ZNF385D: variants seen among roughly 807,000 people sequenced by gnomAD.
ZNF385D encodes zinc finger protein 659.
A neutral mutation model predicts 35.8 loss-of-function variants in ZNF385D; 15 were observed. The observed-to-expected ratio is 0.42, with a 90% confidence interval of 0.28 to 0.64. The LOEUF (loss-of-function observed/expected upper bound fraction) is 0.64. Among genes scored for constraint, ZNF385D ranks in the 30% least tolerant of loss-of-function variants. The pLI, the probability that ZNF385D is intolerant of heterozygous loss-of-function variation, is 0.23. For synonymous variants in ZNF385D, 212 were observed against 186.8 expected, an observed-to-expected ratio of 1.13 and a Z score of -1.10; for missense variants, 474 against 494.6, an observed-to-expected ratio of 0.96 and a Z score of 0.39.
intron 3 of ZNF385D, among the ~76,000 whole-genome samples, chr3:21,550,710 T>C (rs1312221806): frequency 1.3e-5 from 2 of 152,230 alleles, no homozygotes; most frequent in African/African-American, 4.8e-5. Context: ...CTCGAATTCC[T>C]GACCTCGTGA....
intron 1 of ZNF385D, among the ~76,000 whole-genome samples, chr3:21,697,274 A>G (rs142959762): frequency 4.1e-4 from 63 of 152,352 alleles, no homozygotes; most frequent in African/African-American, 1.4e-3. Context: ...AACAGTGAAT[A>G]ACATAGATTA....
chr3:21,981,536 C>A (rs1033209601), intron 3 of ZNF385D, among the ~76,000 whole-genome samples: 2 of 152,098 alleles, frequency 1.3e-5, no homozygotes, highest in African/African-American at 2.4e-5. Context: ...TTGATAATTT[C>A]TTTTGCTGTG....
intron 3 of ZNF385D, among the ~76,000 whole-genome samples, chr3:21,820,961 T>C (rs1266304929): frequency 1.3e-5 from 2 of 150,644 alleles, no homozygotes; most frequent in Non-Finnish European, 3.0e-5. Flanking sequence ...TCTAGAAAAA[T>C]ATTAATTACA....
intron 2 of ZNF385D, among the ~76,000 whole-genome samples, chr3:22,241,248 C>T (rs1326781347): frequency 6.6e-6 from 1 of 151,192 alleles, no homozygotes; most frequent in Non-Finnish European, 1.5e-5. Context: ...TGAAAGAAAG[C>T]TGAGTATGGT....
At chr3:21,422,044 T>C (rs1407506463) in intron 7 of ZNF385D, among the ~76,000 whole-genome samples, 1 of 152,252 alleles carries the variant, frequency 6.6e-6, no homozygotes, top group Non-Finnish European at 1.5e-5. Flanking sequence ...ATTTTCTCAG[T>C]CCTTCTCTAC....
chr3:21,911,609 C>T (rs893328594), intron 3 of ZNF385D, among the ~76,000 whole-genome samples: 1 of 151,792 alleles, frequency 6.6e-6, no homozygotes, highest in African/African-American at 2.4e-5. Context: ...ATTGGAAATC[C>T]TCAGTTCATT....
chr3:21,982,896 T>C (rs1694564086), intron 3 of ZNF385D, among the ~76,000 whole-genome samples: 1 of 152,108 alleles, frequency 6.6e-6, no homozygotes, highest in African/African-American at 2.4e-5. Flanking sequence ...ATCACATTTA[T>C]TGATTTGTGT....
In ZNF385D at chr3:21,798,880, G is replaced by A. The variant is rs139975275; in HGVS notation, c.326-133852C>T. The stretch of plus-strand genomic sequence containing the variant: ...GCATTTACTAAATTCACAATGTTGT[G>A]CAATAATAACGTCTATATAGTTAAA... On this transcript the variant is annotated intron_variant, in intron 3 of 5. Transcript: ENST00000494108. 2.7e-3 allele frequency among the ~76,000 whole-genome samples: 405 copies of A among 152,208 alleles called. 3 individuals carry two copies. Among genetic ancestry groups the A allele is most frequent in the African/African-American group, 8.6e-3 (356 of 41,562 alleles).
intron 2 of ZNF385D, among the ~76,000 whole-genome samples, chr3:22,303,638 A>G (rs567955142): frequency 1.3e-5 from 2 of 152,200 alleles, no homozygotes; most frequent in South Asian, 2.1e-4. Flanking sequence ...CCATATTGCT[A>G]TAATTAAAAT....
intron 1 of ZNF385D, among the ~76,000 whole-genome samples, chr3:21,725,540 G>A (rs1031967808): frequency 6.6e-6 from 1 of 152,082 alleles, no homozygotes; most frequent in African/African-American, 2.4e-5. Context: ...TACCATCAGA[G>A]AACAGTATAA....
At chr3:22,283,601 T>A (rs937244303) in intron 2 of ZNF385D, among the ~76,000 whole-genome samples, 1 of 152,158 alleles carries the variant, frequency 6.6e-6, no homozygotes, top group Admixed American at 6.6e-5. Context: ...TTCTGACATG[T>A]AATAGCTGTG....
At chr3:21,914,855 G>A (rs997380783) in intron 3 of ZNF385D, among the ~76,000 whole-genome samples, 1 of 151,372 alleles carries the variant, frequency 6.6e-6, no homozygotes, top group Non-Finnish European at 1.5e-5. Context: ...ATCCAACAAT[G>A]TTGTGGTAAA....
chr3:21,918,530 G>C (rs1422738220), intron 3 of ZNF385D, among the ~76,000 whole-genome samples: 1 of 152,020 alleles, frequency 6.6e-6, no homozygotes, highest in East Asian at 1.9e-4. Flanking sequence ...ACTCAAATTG[G>C]ATTATATGTG....
chr3:22,354,972 A>G (rs968604826), intron 2 of ZNF385D, among the ~76,000 whole-genome samples: 21 of 152,086 alleles, frequency 1.4e-4, no homozygotes, highest in African/African-American at 4.1e-4. Flanking sequence ...CACTGCAGAA[A>G]GTTCTACTGA....
At chr3:21,494,747 G>A (rs1184659995) in intron 4 of ZNF385D, among the ~76,000 whole-genome samples, 1 of 152,026 alleles carries the variant, frequency 6.6e-6, no homozygotes, top group Admixed American at 6.6e-5. Flanking sequence ...TTTGTTCTCT[G>A]TCTCCTCCAT....
At chr3:22,012,981 T>A (rs558787304) in intron 3 of ZNF385D, among the ~76,000 whole-genome samples, 25 of 152,030 alleles carry the variant, frequency 1.6e-4, no homozygotes, top group Non-Finnish European at 3.4e-4. Context: ...TAGAAAAAAA[T>A]GTAAAATTAA....
At chr3:21,919,078 G>C (rs561946426) in intron 3 of ZNF385D, among the ~76,000 whole-genome samples, 1 of 152,278 alleles carries the variant, frequency 6.6e-6, no homozygotes, top group East Asian at 1.9e-4. Flanking sequence ...AATAACATTT[G>C]TTTGAAGAGT....
chr3:22,224,453 C>A (rs533899500), intron 2 of ZNF385D, among the ~76,000 whole-genome samples: 1 of 152,120 alleles, frequency 6.6e-6, no homozygotes, highest in Admixed American at 6.5e-5. Flanking sequence ...ATAGTTATAC[C>A]TTCAAGAAAC....
chr3:22,313,394 TATA>T (rs1559513801), intron 2 of ZNF385D, among the ~76,000 whole-genome samples: 14 of 151,944 alleles, frequency 9.2e-5, no homozygotes, highest in Admixed American at 7.2e-4. Context: ...AAACTTAAAG[TATA>T]ATAATAAAAT....
Sources: gnomAD v4.1 joint callset for allele counts (sites outside exome capture counted in the v4.1 genomes callset) on GRCh38, gnomAD v4.1.1 for gene constraint, MANE v1.5 for transcripts, NCBI Gene and HGNC (gene_info 2026-07-23, HGNC 2026-07-21) for gene names.